The following TCFL5 variants were observed in gnomAD, a reference collection of about 807,000 sequenced individuals.
The protein encoded by TCFL5 is transcription factor-like 5 protein.
TCFL5 carries 9 observed loss-of-function variants against 44.3 expected under a neutral mutation model. That is an observed-to-expected ratio of 0.20 (90% CI 0.12 to 0.35). The LOEUF (loss-of-function observed/expected upper bound fraction) is 0.35, where lower values mean the gene tolerates loss of function less well. Ranked by LOEUF, TCFL5 falls within the 10% of genes least tolerant of loss-of-function variation. The pLI is 1.00. For missense variants in TCFL5, 603 were observed against 613.4 expected (o/e 0.98, Z 0.18); for synonymous variants, 319 against 271.6 (o/e 1.17, Z -1.72).
chr20:62,858,810 G>A (rs111765876), intron 3 of TCFL5, among the ~76,000 whole-genome samples: 5,546 of 79,204 alleles, frequency 0.07, 1,202 homozygotes, highest in Middle Eastern at 0.13. Context: ...GGAGGAAGGG[G>A]CTACGCAGGT....
intron 5 of TCFL5, chr20:62,851,375 G>T: frequency 7.7e-6 from 2 of 261,146 alleles, no homozygotes; most frequent in Non-Finnish European, 1.2e-5. Flanking sequence ...CTTAATCTTT[G>T]ACTATACATA....
intron 4 of TCFL5, 137 bp downstream of exon 4, chr20:62,857,258 T>C (rs909266354): frequency 1.6e-6 from 2 of 1,258,102 alleles, no homozygotes; most frequent in Non-Finnish European, 2.2e-6. Flanking sequence ...TTGATCCATC[T>C]GGGAAAGCTA....
chr20:62,844,923 A>C, intron 5 of TCFL5: 1 of 984,896 alleles, frequency 1.0e-6, no homozygotes, highest in Non-Finnish European at 1.2e-6. Context: ...GCTGAGTTGT[A>C]GTAACTTTCT....
At chr20:62,859,918 A>G (rs2063964019) in intron 2 of TCFL5, among the ~76,000 whole-genome samples, 1 of 152,096 alleles carries the variant, frequency 6.6e-6, no homozygotes. Flanking sequence ...CATGTTGGCC[A>G]GGCTAGTCTT....
At chr20:62,843,456 T>C (rs764526270) in intron 5 of TCFL5, among the ~76,000 whole-genome samples, 16 of 151,882 alleles carry the variant, frequency 1.1e-4, no homozygotes, top group Non-Finnish European at 1.9e-4. Context: ...AGGGGATAGG[T>C]GAAACAAGCT....
chr20:62,844,582 G>GTT (rs745684819), intron 5 of TCFL5, among the ~76,000 whole-genome samples: 5,553 of 120,502 alleles, frequency 0.046, 181 homozygotes, highest in East Asian at 0.14. Context: ...TTTGTTTTTT[G>GTT]TTTTTTTTTT....
At chr20:62,846,094 G>A (rs1207746500) in intron 5 of TCFL5, 9 of 1,315,122 alleles carry the variant, frequency 6.8e-6, no homozygotes, top group South Asian at 3.7e-5. Context: ...ATAACATGAC[G>A]TATCTGGAGT....
chr20:62,846,780 G>A (rs1488035919), intron 5 of TCFL5, among the ~76,000 whole-genome samples: 10 of 141,650 alleles, frequency 7.1e-5, no homozygotes, highest in Admixed American at 1.4e-4. Flanking sequence ...AAAAAAAAAA[G>A]AGAGAAAGAA....
intron 5 of TCFL5, among the ~76,000 whole-genome samples, chr20:62,848,816 T>A (rs2063775436): frequency 6.6e-6 from 1 of 151,230 alleles, no homozygotes; most frequent in Non-Finnish European, 1.5e-5. Context: ...GACAGGCGGA[T>A]CACAAGGTCA....
intron 5 of TCFL5, among the ~76,000 whole-genome samples, chr20:62,844,655 G>A (rs369964482): frequency 6.8e-6 from 1 of 147,964 alleles, no homozygotes; most frequent in African/African-American, 2.6e-5. Flanking sequence ...TCAGCTCACT[G>A]CAACCTCCAC....
rs1226224956 is a variant in TCFL5, at chr20:62,861,216, G to T, written c.455C>A (p.Ala152Asp). ...KTSGGGDGAR[A>D]RADGAAKEGA... ...CTCCTTGGCGGCGCCGTCGGCCCGGGCCCTCGCTCCGTCCCCGCCGCCCGA... is the reference window on the plus strand; with the variant it reads ...CTCCTTGGCGGCGCCGTCGGCCCGGTCCCTCGCTCCGTCCCCGCCGCCCGA... Residue 152 changes from alanine to aspartate, a missense_variant, in exon 1 of 6, where the codon GCC becomes GAC. Physicochemically the swap from Ala to Asp is moderately radical, Grantham distance 126 (BLOSUM62 -2). This residue lies in a region of TCFL5 where 540 missense variants were observed against 478.7 expected (regional missense o/e 1.13). Coordinates refer to ENST00000335351, the MANE Select transcript of TCFL5 (RefSeq NM_006602.4). This position sits in a 1 kb window ranked among gnomAD's most constrained non-coding sequence, Gnocchi z 4.0. 1.8e-6 allele frequency: 2 copies of T among 1,125,906 alleles called. No homozygotes were observed. The highest frequency in any genetic ancestry group is 7.9e-5 in the East Asian group (1 of 12,628). 69.7% of individuals were successfully genotyped at this position (1,125,906 alleles called of 1,614,324 possible).
chr20:62,859,962 G>A (rs572790895), intron 2 of TCFL5, among the ~76,000 whole-genome samples, 163 bp downstream of exon 2: 110 of 152,162 alleles, frequency 7.2e-4, no homozygotes, highest in African/African-American at 2.5e-3. Context: ...ACCCACCTCG[G>A]CCTCCCAAAG....
At chr20:62,856,638 G>A (rs541891752) in intron 4 of TCFL5, among the ~76,000 whole-genome samples, 10 of 149,780 alleles carry the variant, frequency 6.7e-5, no homozygotes, top group Admixed American at 2.0e-4. Context: ...CCCGGGAGGC[G>A]GAGCTTCCAG....
At chr20:62,844,754 C>G (rs953494330) in intron 5 of TCFL5, 9 of 429,898 alleles carry the variant, frequency 2.1e-5, no homozygotes, top group Non-Finnish European at 2.5e-5. Context: ...TGCCACCACA[C>G]CCGGCTAATT....
Position 62,842,186 on chromosome 20 carries a change from T to C in TCFL5, c.1381-89A>G, listed in dbSNP as rs1157882158. ...AGTGCAAAAGGTTCAAATTAAGAGCTAAGTAAATGACTTTAGAATACGCTG... is the reference window on the plus strand; with the variant it reads ...AGTGCAAAAGGTTCAAATTAAGAGCCAAGTAAATGACTTTAGAATACGCTG... On this transcript the variant is annotated intron_variant, in intron 5 of 5. Coordinates refer to ENST00000335351, the MANE Select transcript of TCFL5 (RefSeq NM_006602.4). The surrounding 1 kb of genome is among the most constrained non-coding windows in gnomAD (Gnocchi z 4.3). 1.3e-6 allele frequency: 2 copies of C among 1,537,722 alleles called. No individual in the cohort carries two copies. The highest frequency in any genetic ancestry group is 1.2e-5 in the South Asian group (1 of 82,806).
At chr20:62,853,144 C>CAGCATAGTCACCCAGTCCCCAGA (rs879404279) in intron 5 of TCFL5, among the ~76,000 whole-genome samples, 1 of 137,134 alleles carries the variant, frequency 7.3e-6, no homozygotes, top group African/African-American at 2.9e-5. Context: ...ACCCGGTCCA[C>CAGCATAGTCACCCAGTCCCCAGA]AGTATAGTCA....
At chr20:62,848,499 C>G (rs1424305239) in intron 5 of TCFL5, among the ~76,000 whole-genome samples, 1 of 151,970 alleles carries the variant, frequency 6.6e-6, no homozygotes, top group African/African-American at 2.4e-5. Flanking sequence ...CCAGCACTTT[C>G]AGAGGCCGAG....
chr20:62,859,468 G>C lies in TCFL5; in HGVS notation c.890C>G (p.Pro297Arg). ...CTGATAACAGAAAGAAAATGCTCTA[G>C]GCAATCCAATATCCTGGTGCTTGGC... is the stretch of plus-strand genomic sequence containing the variant. ...EAAKHQDIGLPRAFSFCYQQE... is the reference protein window; with the variant it reads ...EAAKHQDIGLRRAFSFCYQQE... The change falls in exon 3 of 6, where the codon CCT becomes CGT. Residue 297 changes from proline (P) to arginine (R), a missense_variant. By Grantham distance (103) the Pro-to-Arg change is moderately radical (BLOSUM62 -2). This residue lies in a region of TCFL5 where 540 missense variants were observed against 478.7 expected (regional missense o/e 1.13). Coordinates refer to ENST00000335351, the MANE Select transcript of TCFL5 (RefSeq NM_006602.4). 1 of 1,614,090 alleles carries C rather than the reference G, an allele frequency of 6.2e-7. No individual in the cohort carries two copies. Among genetic ancestry groups the C allele is most frequent in the Non-Finnish European group, 8.5e-7 (1 of 1,180,018 alleles).
intron 5 of TCFL5, chr20:62,851,454 T>A: frequency 1.2e-6 from 1 of 865,956 alleles, no homozygotes. Context: ...CAATAATGAT[T>A]TACTAATAGA....
Sources: allele counts gnomAD v4.1 joint callset (sites outside exome capture counted in the v4.1 genomes callset), GRCh38; gene constraint gnomAD v4.1.1; regional missense constraint gnomAD v4.1.1; non-coding constraint Gnocchi (gnomAD v3.1); transcripts MANE v1.5; gene names NCBI Gene and HGNC (gene_info 2026-07-23, HGNC 2026-07-21).